ERI2: variants seen among roughly 807,000 people sequenced by gnomAD.
ERI2 encodes ERI1 exoribonuclease family member 2, also known as ERI1 exoribonuclease 2.
Under a neutral mutation model 46.8 loss-of-function variants are expected in ERI2, and 35 were observed. That is an observed-to-expected ratio of 0.75 (90% CI 0.57 to 0.99). The LOEUF is 0.99. Ranked by LOEUF, ERI2 falls within the 50% of genes least tolerant of loss-of-function variation. The probability of loss-of-function intolerance (pLI) is 0.00; values close to 1 mark genes in which losing one functional copy is unlikely to be tolerated. For missense variants in ERI2, 695 were observed against 796.2 expected, an observed-to-expected ratio of 0.87 and a Z score of 1.53; for synonymous variants, 224 against 271.0, an observed-to-expected ratio of 0.83 and a Z score of 1.70.
chr16:20,789,689 T>G, intron 9 of ERI2: 1 of 587,260 alleles, frequency 1.7e-6, no homozygotes, highest in Non-Finnish European at 2.9e-6. Flanking sequence ...TTTTTCTTTT[T>G]TTTTTTTTTT....
exon 11 of ERI2, chr16:20,780,577 CT>C: frequency 5.1e-6 from 8 of 1,579,202 alleles, no homozygotes; most frequent in Non-Finnish European, 6.1e-6. Flanking sequence ...GGCTTTTACC[CT>C]GTAATTCAAG....
chr16:20,805,926 T>G, intron 1 of ERI2: 2 of 995,638 alleles, frequency 2.0e-6, no homozygotes, highest in Non-Finnish European at 2.4e-6. Context: ...CTGGCAAAAC[T>G]GCTGGCGAGT....
At chr16:20,787,930 G>A (rs2080509802) in intron 10 of ERI2, among the ~76,000 whole-genome samples, 1 of 152,138 alleles carries the variant, frequency 6.6e-6, no homozygotes, top group African/African-American at 2.4e-5. Flanking sequence ...CACCACTTCA[G>A]TCTCAGATGG....
chr16:20,784,532 A>C (rs2080426913), intron 10 of ERI2: 2 of 153,914 alleles, frequency 1.3e-5, no homozygotes, highest in Admixed American at 1.3e-4. Flanking sequence ...CAGTACATAC[A>C]CTAAAATTGG....
At chr16:20,796,129 T>TC, downstream of ERI2, 1 of 487,456 alleles carries the variant, frequency 2.1e-6, no homozygotes, top group Non-Finnish European at 3.5e-6. Flanking sequence ...TTATAAGTAA[T>TC]CCCCCATGCT....
intron 1 of ERI2, 109 bp from the exon 2 acceptor site, chr16:20,803,779 C>T: frequency 7.4e-7 from 1 of 1,348,598 alleles, no homozygotes; most frequent in South Asian, 1.3e-5. Context: ...TTTATTGTGA[C>T]TGAGGGGAAA....
rs1035536471 is a variant in ERI2, at chr16:20,797,111, A to C, written c.*613T>G. On this transcript the variant is annotated 3_prime_UTR_variant, in exon 9 of 9. Coordinates refer to ENST00000357967, the MANE Select transcript of ERI2 (RefSeq NM_001142725.2). ...TGATTTAAAATATCTTGTGGTTATG[A>C]TATCAGAGGCTAAATTTTGAAATAA... 1 of 1,387,528 alleles carries C rather than the reference A, an allele frequency of 7.2e-7. No individual in the cohort carries two copies. Among genetic ancestry groups the C allele is most frequent in the South Asian group, 1.8e-5 (1 of 54,134 alleles). The allele number at this position is 1,387,528 out of a possible 1,614,324, so 86.0% of individuals were successfully genotyped here. A position where few individuals can be genotyped will look rare whatever the true frequency, so the allele number is the denominator to read the frequency against.
downstream of ERI2, among the ~76,000 whole-genome samples, chr16:20,791,425 C>A (rs941871946): frequency 6.6e-6 from 1 of 152,222 alleles, no homozygotes; most frequent in Non-Finnish European, 1.5e-5. Flanking sequence ...TTAGTTTACT[C>A]CTCTGAGCTA....
At chr16:20,786,348 AC>A in intron 10 of ERI2, 2 of 1,210,484 alleles carry the variant, frequency 1.7e-6, no homozygotes, top group Non-Finnish European at 1.1e-6. Flanking sequence ...TTTTGCAAAT[AC>A]CCATATTGTA....
chr16:20,799,305 G>C lies in ERI2; in HGVS notation c.690C>G (p.Ile230Met). ...RNTALLAWKM[I>M]RDGCVMKITR... ...TAATTTTCATTACACAACCATCTCT[G>C]ATCATTTTCCAAGCAAGAAGGGCAG... Residue 230 changes from isoleucine to methionine, a missense_variant, in exon 8 of 9, where the codon ATC becomes ATG. By Grantham distance (10) the Ile-to-Met change is conservative. Transcript: ENST00000357967. The C allele has an allele frequency of 6.2e-7, 1 of 1,613,674 alleles. No individual in the cohort carries two copies. The highest frequency in any genetic ancestry group is 8.5e-7 in the Non-Finnish European group (1 of 1,179,716).
downstream of ERI2, chr16:20,792,053 G>A (rs191320049): frequency 3.7e-5 from 60 of 1,614,000 alleles, no homozygotes; most frequent in East Asian, 3.3e-4. Flanking sequence ...CTATATCACT[G>A]GGGACAGAGG....
intron 10 of ERI2, chr16:20,781,863 C>A: frequency 1.7e-6 from 2 of 1,156,112 alleles, no homozygotes; most frequent in Non-Finnish European, 2.6e-6. Context: ...GATCTTTCTG[C>A]CTGAAACATA....
At chr16:20,782,640 ACT>A (rs1376495291) in intron 10 of ERI2, among the ~76,000 whole-genome samples, 1 of 151,992 alleles carries the variant, frequency 6.6e-6, no homozygotes, top group East Asian at 1.9e-4. Flanking sequence ...CAGGTTAATG[ACT>A]CAGTCCCACA....
chr16:20,781,723 C>G (rs758277289), intron 10 of ERI2: 3 of 1,612,816 alleles, frequency 1.9e-6, no homozygotes, highest in Non-Finnish European at 2.5e-6. Context: ...CTCCAAGTAC[C>G]CCATCACAGT....
intron 10 of ERI2, chr16:20,789,399 A>C: frequency 9.8e-7 from 1 of 1,023,664 alleles, no homozygotes; most frequent in Non-Finnish European, 1.5e-6. Context: ...GTACTTAATA[A>C]ATGCTAGCTA....
chr16:20,806,317 C>A, intron 1 of ERI2, 91 bp downstream of exon 1: 2 of 1,519,376 alleles, frequency 1.3e-6, no homozygotes, highest in Non-Finnish European at 8.8e-7. Context: ...AGGCCCTCAC[C>A]GCAGATGCCA....
intron 10 of ERI2, chr16:20,783,335 G>A (rs1043860079): frequency 6.6e-6 from 1 of 152,196 alleles, no homozygotes; most frequent in Non-Finnish European, 1.5e-5. Flanking sequence ...AGTACAGGTT[G>A]AGTATCCCTT....
chr16:20,789,580 T>G (rs1214271528), intron 9 of ERI2: 1 of 1,509,734 alleles, frequency 6.6e-7, no homozygotes, highest in Non-Finnish European at 9.2e-7. Context: ...TGAAAACCAG[T>G]AATGAAGATA....
rs1412573268 is a variant in ERI2 at position 20,798,108 on chromosome 16, T to C, written c.1692A>G (p.Pro564=). 3 of 1,551,426 alleles carry C rather than the reference T, an allele frequency of 1.9e-6. No individual in the cohort carries two copies. Among genetic ancestry groups the C allele is most frequent in the Non-Finnish European group, 2.6e-6 (3 of 1,146,924 alleles). ...GACGCCTCCAGGAAGAACTTCTTACTGGGGAGCAATCAGATGATGTAGGCT... is the reference window on the plus strand; with the variant it reads ...GACGCCTCCAGGAAGAACTTCTTACCGGGGAGCAATCAGATGATGTAGGCT... The part of the protein sequence containing the change: ...EEKPTSSDCS[P]VRSSSWRRLP... The change falls in exon 9 of 9, where the codon CCA becomes CCG. Residue 564 remains proline, a synonymous_variant. Transcript: ENST00000357967.
Sources: allele counts gnomAD v4.1 joint callset (sites outside exome capture counted in the v4.1 genomes callset), GRCh38; gene constraint gnomAD v4.1.1; transcripts MANE v1.5; gene names NCBI Gene and HGNC (gene_info 2026-07-23, HGNC 2026-07-21).